Variants in ADD2 observed in about 807,000 individuals in gnomAD.
ADD2 encodes adducin 2, also known as beta-adducin.
Under a neutral mutation model 83.0 loss-of-function variants are expected in ADD2, and 23 were observed. That is an observed-to-expected ratio of 0.28 (90% CI 0.20 to 0.39). The LOEUF (loss-of-function observed/expected upper bound fraction) is 0.39, where lower values mean the gene tolerates loss of function less well. ADD2 is among the 10% of genes least tolerant of loss of function. The probability of loss-of-function intolerance (pLI) is 1.00; values close to 1 mark genes in which losing one functional copy is unlikely to be tolerated. For synonymous variants in ADD2, 375 were observed against 375.4 expected (o/e 1.00, Z 0.01); for missense variants, 758 against 944.9 (o/e 0.80, Z 2.59).
rs78647560 is a variant in ADD2 at position 70,738,939 on chromosome 2, C to A, written c.-153-25755G>T. On this transcript the variant is annotated intron_variant, in intron 1 of 15. Coordinates refer to ENST00000264436, the MANE Select transcript of ADD2 (RefSeq NM_001617.4). Reference sequence around the variant, plus strand: ...AAACCCAAAACTATTAAAAAACCCTCGAAGACAACCTAGGTAATACCATTC... The same window carrying A: ...AAACCCAAAACTATTAAAAAACCCTAGAAGACAACCTAGGTAATACCATTC... Among the ~76,000 whole-genome samples, 584 of 152,194 alleles carry A rather than the reference C, an allele frequency of 3.8e-3. 6 individuals are homozygous for A. The highest frequency in any genetic ancestry group is 0.013 in the African/African-American group (541 of 41,526).
At chr2:70,729,507 C>T (rs1043275980) in intron 1 of ADD2, among the ~76,000 whole-genome samples, 3 of 152,142 alleles carry the variant, frequency 2.0e-5, no homozygotes, top group Non-Finnish European at 2.9e-5. Flanking sequence ...CTTCATTGAA[C>T]TTATGAAGAA....
chr2:70,666,715 C>T (rs1553366203), intron 15 of ADD2, among the ~76,000 whole-genome samples: 2 of 152,198 alleles, frequency 1.3e-5, no homozygotes, highest in African/African-American at 2.4e-5. Flanking sequence ...CCCATACCTG[C>T]CCTGCTGTCA....
chr2:70,697,719 G>A (rs565149651), intron 4 of ADD2, among the ~76,000 whole-genome samples: 174 of 152,260 alleles, frequency 1.1e-3, no homozygotes, highest in Non-Finnish European at 2.1e-3. Flanking sequence ...AAGTGATGAC[G>A]TGGTCTACAA....
rs781913695 is a variant in ADD2, at chr2:70,706,189, C to A, written c.183+37G>T. On this transcript the variant is annotated intron_variant, in intron 3 of 15. Transcript: ENST00000264436. This position sits in a 1 kb window ranked among gnomAD's most constrained non-coding sequence, Gnocchi z 5.0. ...GTACACGTCCTGAAGAGCCAGCGCC[C>A]CCTGCGCCCTCTCCCGCCCGGGTCA... 5 of 1,603,986 alleles carry A rather than the reference C, an allele frequency of 3.1e-6. No homozygotes were observed. The African/African-American group carries it at 4.0e-5, about 13-fold the overall frequency.
chr2:70,663,921 A>G (rs1461594810), intron 15 of ADD2, among the ~76,000 whole-genome samples, 186 bp from the exon 16 acceptor site: 2 of 152,094 alleles, frequency 1.3e-5, no homozygotes, highest in Non-Finnish European at 2.9e-5. Context: ...TGCACCTTCC[A>G]TGTGGCCTGT....
intron 1 of ADD2, among the ~76,000 whole-genome samples, chr2:70,713,979 G>A (rs1365221028): frequency 6.6e-6 from 1 of 151,938 alleles, no homozygotes; most frequent in African/African-American, 2.4e-5. Context: ...GTCCATGGGT[G>A]AATTCAAGGC....
chr2:70,697,246 C>G (rs1671357358), intron 4 of ADD2, among the ~76,000 whole-genome samples: 1 of 152,228 alleles, frequency 6.6e-6, no homozygotes, highest in African/African-American at 2.4e-5. Flanking sequence ...GCAGCTGTGG[C>G]TGGCTGAAAG....
intron 15 of ADD2, among the ~76,000 whole-genome samples, chr2:70,664,434 C>T (rs1553365701): frequency 1.3e-5 from 2 of 152,230 alleles, no homozygotes; most frequent in African/African-American, 4.8e-5. Context: ...CCAAACCCTC[C>T]TGCCACCCTT....
At chr2:70,709,317 G>A (rs1475377706) in intron 2 of ADD2, among the ~76,000 whole-genome samples, 4 of 149,708 alleles carry the variant, frequency 2.7e-5, no homozygotes, top group Non-Finnish European at 4.4e-5. Context: ...TCTGCTGGGA[G>A]TGGGAGCCAA....
rs781812594 is a variant in ADD2, at chr2:70,690,824, G to A, written c.811C>T (p.Arg271Trp). 8.1e-6 allele frequency: 13 copies of A among 1,614,098 alleles called. No individual in the cohort carries two copies. Among genetic ancestry groups the A allele is most frequent in the Non-Finnish European group, 8.5e-6 (10 of 1,180,016 alleles). The part of the protein sequence containing the change: ...FNGEMEQEAD[R>W]INLQKCLGPT... ...CCAAGGCACTTCTGCAGGTTGATCC[G>A]ATCGGCTTCCTGCTCCATTTCCCCA... Residue 271 changes from arginine (R) to tryptophan (W), a missense_variant, in exon 8 of 16, where the codon CGG becomes TGG. Arg to Trp is a moderately radical substitution (Grantham distance 101). This residue lies in a region of ADD2 where 394 missense variants were observed against 509.3 expected (regional missense o/e 0.77). Coordinates refer to ENST00000264436, the MANE Select transcript of ADD2 (RefSeq NM_001617.4).
At chr2:70,711,300 C>A (rs1472218932) in intron 2 of ADD2, 2 of 152,074 alleles carry the variant, frequency 1.3e-5, no homozygotes, top group Non-Finnish European at 2.9e-5. Flanking sequence ...TCATCATGAG[C>A]CTCTTTCAAC....
intron 1 of ADD2, among the ~76,000 whole-genome samples, chr2:70,738,311 A>C (rs1673694371): frequency 6.6e-6 from 1 of 152,192 alleles, no homozygotes; most frequent in Non-Finnish European, 1.5e-5. Context: ...ATAACACATA[A>C]GAACTTCAAA....
chr2:70,751,278 G>T (rs1553382902), intron 1 of ADD2, among the ~76,000 whole-genome samples: 1 of 152,164 alleles, frequency 6.6e-6, no homozygotes, highest in East Asian at 1.9e-4. Context: ...CTAAAGATGG[G>T]CAGGGCTGGT....
At chr2:70,688,835 G>A (rs187640757) in intron 8 of ADD2, among the ~76,000 whole-genome samples, 2 of 152,164 alleles carry the variant, frequency 1.3e-5, no homozygotes, top group South Asian at 2.1e-4. Context: ...GGTGGGTCAC[G>A]CCTGTAATCC....
At position 70,723,144 on chromosome 2, in the gene ADD2, G is replaced by A. The variant is rs146584685; in HGVS notation, c.-153-9960C>T. ...AATCCAGGCTCTGAATGGCATTAAG[G>A]GCCTAGGAATGAATCCCAGCTCTGC... is the stretch of plus-strand genomic sequence containing the variant. On this transcript the variant is annotated intron_variant, in intron 1 of 15. Transcript: ENST00000264436. Among the ~76,000 whole-genome samples the A allele has an allele frequency of 1.2e-3, 179 of 152,250 alleles. 2 individuals carry two copies. Among genetic ancestry groups the A allele is most frequent in the African/African-American group, 4.0e-3 (168 of 41,542 alleles).
Position 70,706,296 on chromosome 2 carries a change from G to A in ADD2, c.113C>T (p.Ala38Val), listed in dbSNP as rs550442405. The change falls in exon 3 of 16, where the codon GCG (alanine) becomes GTG (valine). Residue 38 changes from alanine to valine, a missense_variant. Coordinates refer to ENST00000264436, the MANE Select transcript of ADD2 (RefSeq NM_001617.4). This position sits in a 1 kb window ranked among gnomAD's most constrained non-coding sequence, Gnocchi z 5.0. Reference protein sequence around the residue: ...DPEYMRLRNRAADLRQDFNLM... With the variant: ...DPEYMRLRNRVADLRQDFNLM... ...GTTGAAGTCCTGCCGCAGGTCCGCCGCCCGGTTGCGAAGGCGCATGTACTC... is the reference window on the plus strand; with the variant it reads ...GTTGAAGTCCTGCCGCAGGTCCGCCACCCGGTTGCGAAGGCGCATGTACTC... 3.7e-6 allele frequency: 6 copies of A among 1,614,092 alleles called. No homozygotes were observed. In the South Asian group the frequency reaches 4.4e-5, roughly 12 times the overall value.
intron 13 of ADD2, chr2:70,675,343 T>C (rs1670080012): frequency 1.0e-6 from 1 of 986,702 alleles, no homozygotes; most frequent in Non-Finnish European, 1.2e-6. Flanking sequence ...AAACTGTTAG[T>C]CCTGTTTCAC....
chr2:70,724,449 C>A (rs1672880182), intron 1 of ADD2, among the ~76,000 whole-genome samples: 1 of 152,188 alleles, frequency 6.6e-6, no homozygotes, highest in South Asian at 2.1e-4. Flanking sequence ...AGTGCACCTG[C>A]CCAGGGCAGG....
In ADD2 at chr2:70,677,863, G is replaced by A. The variant is rs188058882; in HGVS notation, c.1398C>T (p.Asp466=). ...PRPKTTWMKA[D]EVEKSSSGMP... ...TGCCACTGCTGGATTTCTCCACCTC[G>A]TCAGCCTTCATCCACTGCACAAACA... The change falls in exon 12 of 16, where the codon GAC becomes GAT. Residue 466 remains aspartate, a synonymous_variant. Transcript: ENST00000264436. 4.0e-5 allele frequency: 65 copies of A among 1,614,150 alleles called. No homozygotes were observed. The Admixed American group carries it at 7.7e-4, about 19-fold the overall frequency.
Sources: allele counts gnomAD v4.1 joint callset (sites outside exome capture counted in the v4.1 genomes callset), GRCh38; gene constraint gnomAD v4.1.1; regional missense constraint gnomAD v4.1.1; non-coding constraint Gnocchi (gnomAD v3.1); transcripts MANE v1.5; gene names NCBI Gene and HGNC (gene_info 2026-07-23, HGNC 2026-07-21).